LMBR1L: variants seen among roughly 807,000 people sequenced by gnomAD.
The protein encoded by LMBR1L is limb development membrane protein 1 like.
Under a neutral mutation model 67.3 loss-of-function variants are expected in LMBR1L, and 47 were observed. The ratio of observed to expected loss-of-function variants is 0.70; its 90% CI spans 0.55 to 0.89. LMBR1L has a LOEUF of 0.89. LMBR1L is among the 40% of genes least tolerant of loss of function. The probability of loss-of-function intolerance (pLI) is 0.00; values close to 1 mark genes in which losing one functional copy is unlikely to be tolerated. For missense variants in LMBR1L, 533 were observed against 599.2 expected, an observed-to-expected ratio of 0.89 and a Z score of 1.15; for synonymous variants, 247 against 250.3, an observed-to-expected ratio of 0.99 and a Z score of 0.13.
chr12:49,104,449 T>C lies in LMBR1L; in HGVS notation c.434A>G (p.Lys145Arg). ...CCTGGATACATATCCCCTACTTACC[T>C]TTCTGGAGCCAGCAAAGCCCTCAGA... ...TESEGFAGSR[K>R]GVLGRVYETV... The change falls in exon 5 of 17, where the codon AAG (lysine) becomes AGG (arginine). Residue 145 changes from lysine to arginine, a missense_variant and splice_region_variant. Lys to Arg is a conservative substitution (Grantham distance 26). Around this residue, in one of 3 missense-constraint regions of LMBR1L, gnomAD observed 246 missense variants for 249.0 expected, o/e 0.99. Coordinates refer to ENST00000267102, the MANE Select transcript of LMBR1L (RefSeq NM_018113.4). 3 of 1,604,242 alleles carry C rather than the reference T, an allele frequency of 1.9e-6. No homozygotes were observed. Among genetic ancestry groups the C allele is most frequent in the Non-Finnish European group, 2.6e-6 (3 of 1,171,150 alleles).
chr12:49,102,154 T>A lies in LMBR1L; in HGVS notation c.896A>T (p.Tyr299Phe). 6.2e-7 allele frequency: 1 copy of A among 1,613,994 alleles called. No homozygotes were observed. ...CAGCAAGCACAGCATAGCCAGGGGG[T>A]AGCCCAGGTTCCGTTGCCAGGCTGA... Reference protein sequence around the residue: ...KASAWQRNLGYPLAMLCLLVL... With the variant: ...KASAWQRNLGFPLAMLCLLVL... Residue 299 changes from tyrosine (Y) to phenylalanine (F), a missense_variant, in exon 11 of 17, where the codon TAC becomes TTC. Physicochemically the swap from Tyr to Phe is conservative, Grantham distance 22. Coordinates refer to ENST00000267102, the MANE Select transcript of LMBR1L (RefSeq NM_018113.4).
At chr12:49,098,679 T>C (rs1031327510) in intron 15 of LMBR1L, among the ~76,000 whole-genome samples, 1 of 152,176 alleles carries the variant, frequency 6.6e-6, no homozygotes, top group African/African-American at 2.4e-5. Flanking sequence ...TTAAATATTC[T>C]TACCTGCATC....
chr12:49,108,650 C>CT (rs1220171065), intron 1 of LMBR1L, among the ~76,000 whole-genome samples: 1 of 150,542 alleles, frequency 6.6e-6, no homozygotes, highest in Non-Finnish European at 1.5e-5. Flanking sequence ...ACAAGAATCA[C>CT]TAGAACCTGG....
chr12:49,104,702 C>T, intron 4 of LMBR1L, 44 bp downstream of exon 4: 1 of 1,610,716 alleles, frequency 6.2e-7, no homozygotes, highest in Non-Finnish European at 8.5e-7. Context: ...TATCTGCTCT[C>T]TGCTCCCTAT....
chr12:49,104,070 G>A (rs867109436), intron 5 of LMBR1L: 11 of 496,558 alleles, frequency 2.2e-5, no homozygotes, highest in Admixed American at 7.6e-5. Flanking sequence ...GCTGACCTCC[G>A]AGGTCTGCAT....
Position 49,101,537 on chromosome 12 carries a change from G to A in LMBR1L, c.943C>T (p.Leu315Phe), listed in dbSNP as rs1940186994. 2 of 1,613,156 alleles carry A rather than the reference G, an allele frequency of 1.2e-6. No individual in the cohort carries two copies. Among genetic ancestry groups the A allele is most frequent in the Non-Finnish European group, 1.7e-6 (2 of 1,179,582 alleles). The part of the protein sequence containing the change: ...CLLVLTGLSV[L>F]IVAIHILELL... Reference sequence around the variant, plus strand: ...TCCAGGATGTGGATGGCCACAATGAGCACAGACAGGCCCTGTGTGAGGCAA... The same window carrying A: ...TCCAGGATGTGGATGGCCACAATGAACACAGACAGGCCCTGTGTGAGGCAA... The change falls in exon 12 of 17, where the codon CTC becomes TTC. Residue 315 changes from leucine to phenylalanine, a missense_variant. Physicochemically the swap from Leu to Phe is conservative, Grantham distance 22. Transcript: ENST00000267102.
chr12:49,101,759 CAAAAAGGCTGAATAG>C (rs1781658787), intron 11 of LMBR1L: 1 of 583,356 alleles, frequency 1.7e-6, no homozygotes, highest in African/African-American at 1.9e-5. Flanking sequence ...GGAAGGATTG[CAAAAAGGCTGAATAG>C]GAAAAGGCAT....
Position 49,110,532 on chromosome 12 carries a change from C to A in LMBR1L, c.24G>T (p.Val8=). 1 of 1,614,058 alleles carries A rather than the reference C, an allele frequency of 6.2e-7. No homozygotes were observed. Among genetic ancestry groups the A allele is most frequent in the Non-Finnish European group, 8.5e-7 (1 of 1,179,972 alleles). The change falls in exon 1 of 17, where the codon GTG becomes GTT. Residue 8 remains valine (V), a synonymous_variant. Transcript: ENST00000267102. MEAPDYE[V]LSVREQLFHE... Reference sequence around the variant, plus strand: ...GGAATAGCTGTTCTCGCACGGATAGCACTTCGTAGTCAGGTGCTTCCATAC... The same window carrying A: ...GGAATAGCTGTTCTCGCACGGATAGAACTTCGTAGTCAGGTGCTTCCATAC...
intron 1 of LMBR1L, among the ~76,000 whole-genome samples, chr12:49,108,262 C>A (rs1253643628): frequency 6.8e-6 from 1 of 147,152 alleles, no homozygotes; most frequent in Non-Finnish European, 1.5e-5. Flanking sequence ...GACTCCATCT[C>A]AAAAAAAATT....
Position 49,097,309 on chromosome 12 carries a change from T to G in LMBR1L, c.*363A>C, listed in dbSNP as rs1249966091. The stretch of plus-strand genomic sequence containing the variant: ...GACAATCTATCTCCCGAGCCTGCCC[T>G]GGCCCAGTCCTTTCCCTGCCCCTAC... On this transcript the variant is annotated 3_prime_UTR_variant, in exon 17 of 17. Transcript: ENST00000267102. The G allele has an allele frequency of 4.0e-6, 1 of 248,172 alleles. No homozygotes were observed. Among genetic ancestry groups the G allele is most frequent in the Non-Finnish European group, 8.2e-6 (1 of 122,044 alleles). 15.4% of individuals were successfully genotyped at this position (248,172 alleles called of 1,614,324 possible).
At chr12:49,108,659 G>C (rs2121072245) in intron 1 of LMBR1L, among the ~76,000 whole-genome samples, 1 of 150,918 alleles carries the variant, frequency 6.6e-6, no homozygotes, top group African/African-American at 2.4e-5. Context: ...ACTAGAACCT[G>C]GGAGGCGGAG....
intron 1 of LMBR1L, chr12:49,109,685 T>A (rs979407804): frequency 6.6e-6 from 3 of 456,426 alleles, no homozygotes; most frequent in African/African-American, 6.0e-5. Context: ...AAAGCAAGGC[T>A]GAGAAAGATA....
chr12:49,106,411 T>A, intron 2 of LMBR1L: 1 of 429,126 alleles, frequency 2.3e-6, no homozygotes. Flanking sequence ...TCCTGAGCCA[T>A]CCTAAGAGGA....
At chr12:49,102,773 G>C in intron 8 of LMBR1L, 114 bp downstream of exon 8, 1 of 1,023,160 alleles carries the variant, frequency 9.8e-7, no homozygotes, top group South Asian at 1.4e-5. Context: ...ACCAACAAAG[G>C]CTGTAGCTCT....
Position 49,101,542 on chromosome 12 carries a change from G to T in LMBR1L, c.938C>A (p.Ser313Tyr). Residue 313 changes from serine to tyrosine, a missense_variant, in exon 12 of 17, where the codon TCT becomes TAT. Physicochemically the swap from Ser to Tyr is moderately radical, Grantham distance 144. Around this residue, in one of 3 missense-constraint regions of LMBR1L, gnomAD observed 223 missense variants for 241.2 expected, o/e 0.92. Transcript: ENST00000267102. ...MLCLLVLTGL[S>Y]VLIVAIHILE... is the part of the protein sequence containing the mutation. ...GATGTGGATGGCCACAATGAGCACA[G>T]ACAGGCCCTGTGTGAGGCAAGGTCA... The T allele has an allele frequency of 1.2e-6, 2 of 1,612,856 alleles. No individual in the cohort carries two copies. The highest frequency in any genetic ancestry group is 1.7e-6 in the Non-Finnish European group (2 of 1,179,320).
chr12:49,100,733 T>A, intron 13 of LMBR1L, 87 bp from the exon 14 acceptor site: 1 of 216,806 alleles, frequency 4.6e-6, no homozygotes, highest in Non-Finnish European at 7.4e-6. Context: ...AGCCCACTTC[T>A]TTTTTTTTTT....
intron 15 of LMBR1L, 30 bp from the exon 16 acceptor site, chr12:49,098,135 G>GCCCC: frequency 1.9e-6 from 3 of 1,591,442 alleles, no homozygotes; most frequent in Non-Finnish European, 2.6e-6. Context: ...ATGAGAGGTG[G>GCCCC]GCTCCCCAGG....
At chr12:49,106,685 A>G (rs1330129244) in intron 2 of LMBR1L, 2 of 1,204,066 alleles carry the variant, frequency 1.7e-6, no homozygotes, top group South Asian at 1.3e-5. Flanking sequence ...CACATTAACC[A>G]TCTCCTTTGG....
intron 5 of LMBR1L, 123 bp from the exon 6 acceptor site, chr12:49,103,936 C>G: frequency 9.3e-7 from 1 of 1,077,254 alleles, no homozygotes; most frequent in Non-Finnish European, 1.3e-6. Flanking sequence ...GAGGGTTTTC[C>G]TCTTATTCTG....
Sources: allele counts gnomAD v4.1 joint callset (sites outside exome capture counted in the v4.1 genomes callset), GRCh38; gene constraint gnomAD v4.1.1; regional missense constraint gnomAD v4.1.1; transcripts MANE v1.5; gene names NCBI Gene and HGNC (gene_info 2026-07-23, HGNC 2026-07-21).